CLK1: variants seen among roughly 807,000 people sequenced by gnomAD.
CLK1 encodes dual specificity protein kinase CLK1.
CLK1 carries 40 observed loss-of-function variants against 60.9 expected under a neutral mutation model. The ratio of observed to expected loss-of-function variants is 0.66; its 90% CI spans 0.51 to 0.86. The LOEUF is 0.86. Among genes scored for constraint, CLK1 ranks in the 40% least tolerant of loss-of-function variants. The pLI is 0.00. For synonymous variants in CLK1, 203 were observed against 184.4 expected, an observed-to-expected ratio of 1.10 and a Z score of -0.82; for missense variants, 563 against 606.1, an observed-to-expected ratio of 0.93 and a Z score of 0.75.
chr2:200,863,456 G>A (rs1559329515), intron 1 of CLK1, among the ~76,000 whole-genome samples: 1 of 152,122 alleles, frequency 6.6e-6, no homozygotes, highest in Non-Finnish European at 1.5e-5. Flanking sequence ...TACTCAGGAG[G>A]CTGAGGTGGG....
At chr2:200,863,760 A>G (rs1173764787) in intron 1 of CLK1, among the ~76,000 whole-genome samples, 1 of 152,102 alleles carries the variant, frequency 6.6e-6, no homozygotes, top group Non-Finnish European at 1.5e-5. Context: ...AGGCTGAAGC[A>G]GGAGAATCGC....
chr2:200,854,750 T>A (rs770429089), intron 10 of CLK1, 55 bp from the exon 11 acceptor site: 13 of 1,290,456 alleles, frequency 1.0e-5, no homozygotes, highest in Non-Finnish European at 1.5e-5. Flanking sequence ...ACAGACACAG[T>A]TAAAGCTGAC....
chr2:200,859,587 G>A (rs2039101384), intron 5 of CLK1, 93 bp downstream of exon 5: 2 of 914,558 alleles, frequency 2.2e-6, no homozygotes, highest in Middle Eastern at 2.2e-4. Flanking sequence ...ATAAAGATAT[G>A]TATCTAACTC....
chr2:200,855,208 G>T (rs760577178), intron 9 of CLK1, 122 bp from the exon 10 acceptor site: 36 of 675,138 alleles, frequency 5.3e-5, no homozygotes, highest in Non-Finnish European at 7.9e-5. Flanking sequence ...GGGCACAGTG[G>T]CTCACACCTG....
Position 200,864,095 on chromosome 2 carries a change from A to G in CLK1, c.-1+469T>C, listed in dbSNP as rs1016470182. 23 of 1,548,352 alleles carry G rather than the reference A, an allele frequency of 1.5e-5. No individual in the cohort carries two copies. The African/African-American group carries it at 2.6e-4, about 18-fold the overall frequency. ...CCCTACGGGTTCCGTCTCTTTCTCC[A>G]CTTACTCCAGACAACGTTTCCCCAC... is the stretch of plus-strand genomic sequence containing the variant. On this transcript the variant is annotated intron_variant, in intron 1 of 12. Coordinates refer to ENST00000321356, the MANE Select transcript of CLK1 (RefSeq NM_004071.4).
chr2:200,854,010 AT>A lies in CLK1; in HGVS notation c.1221-18del. 6.4e-7 allele frequency: 1 copy of A among 1,568,080 alleles called. No individual in the cohort carries two copies. The highest frequency in any genetic ancestry group is 1.4e-5 in the African/African-American group (1 of 73,826). On this transcript the variant is annotated intron_variant, in intron 11 of 12. Transcript: ENST00000321356. Reference sequence around the variant, plus strand: ...TTACGTTTCCTAAAAATAAGTCAATATCCATTCATGTTTATAACACTGAAAA... The same window carrying A: ...TTACGTTTCCTAAAAATAAGTCAATACCATTCATGTTTATAACACTGAAAA...
chr2:200,853,676 C>T (rs2038985781), intron 12 of CLK1, among the ~76,000 whole-genome samples: 1 of 59,584 alleles, frequency 1.7e-5, no homozygotes, highest in African/African-American at 7.1e-5. Context: ...CTTGTCTTTA[C>T]TTGAAAAAAA....
intron 1 of CLK1, among the ~76,000 whole-genome samples, chr2:200,862,812 A>G (rs939291384): frequency 6.6e-6 from 1 of 151,998 alleles, no homozygotes; most frequent in African/African-American, 2.4e-5. Flanking sequence ...TGCTGACAGA[A>G]TCATCATTAC....
At position 200,861,054 on chromosome 2, in the gene CLK1, G is replaced by A. The variant is rs142013043; in HGVS notation, c.390+184C>T. The stretch of plus-strand genomic sequence containing the variant: ...GGAGCCAACCAATAATTAAATTATA[G>A]AACTAAATGTGTACTTTATTTCCGG... On this transcript the variant is annotated intron_variant, in intron 3 of 12. Coordinates refer to ENST00000321356, the MANE Select transcript of CLK1 (RefSeq NM_004071.4). The A allele has an allele frequency of 7.2e-4, 1,011 of 1,397,622 alleles. 11 individuals carry two copies. The African/African-American group carries it at 0.012, about 17-fold the overall frequency. The allele number at this position is 1,397,622 out of a possible 1,614,324, so 86.6% of individuals were successfully genotyped here.
At position 200,857,767 on chromosome 2, in the gene CLK1, T is replaced by A. The variant is rs2039067593; in HGVS notation, c.783A>T (p.Arg261=). 6.2e-7 allele frequency: 1 copy of A among 1,612,614 alleles called. No individual in the cohort carries two copies. The highest frequency in any genetic ancestry group is 8.5e-7 in the Non-Finnish European group (1 of 1,179,260). The change falls in exon 7 of 13, where the codon CGA becomes CGT. Residue 261 remains arginine (R), a synonymous_variant. Transcript: ENST00000321356. ...ATGCCATCTTTCTGATATGATCCAGTCGAAATGGTAGAAAACCATTTTCTT... is the reference window on the plus strand; with the variant it reads ...ATGCCATCTTTCTGATATGATCCAGACGAAATGGTAGAAAACCATTTTCTT... The part of the protein sequence containing the change: ...FIKENGFLPF[R]LDHIRKMAYQ...
At chr2:200,856,544 A>G (rs1479331783) in intron 9 of CLK1, 138 bp downstream of exon 9, 18 of 632,778 alleles carry the variant, frequency 2.8e-5, no homozygotes, top group Non-Finnish European at 5.2e-6. Flanking sequence ...GAGAGCTTAA[A>G]ATCCATAATG....
chr2:200,853,528 A>G, intron 12 of CLK1, 79 bp from the exon 13 acceptor site: 1 of 1,293,438 alleles, frequency 7.7e-7, no homozygotes, highest in Non-Finnish European at 1.1e-6. Flanking sequence ...AGTAAACCAT[A>G]TATATATAAC....
chr2:200,864,282 C>G, intron 1 of CLK1: 1 of 1,488,716 alleles, frequency 6.7e-7, no homozygotes, highest in Non-Finnish European at 8.9e-7. Flanking sequence ...CGTCCCGCGT[C>G]AGGCGGCGCC....
At position 200,860,228 on chromosome 2, in the gene CLK1, A is replaced by G. The variant is rs79708527; in HGVS notation, c.391-13T>C. On this transcript the variant is annotated splice_polypyrimidine_tract_variant and intron_variant, in intron 3 of 12. Transcript: ENST00000321356. ...TTCGGTGACTCTTCTGGAAACGTCA[A>G]GTGGGCGGCACCAAGATCATCCAGC... 3 of 1,613,928 alleles carry G rather than the reference A, an allele frequency of 1.9e-6. No individual in the cohort carries two copies. The highest frequency in any genetic ancestry group is 1.7e-5 in the Admixed American group (1 of 60,002).
At chr2:200,863,515 C>A (rs986124285) in intron 1 of CLK1, among the ~76,000 whole-genome samples, 1 of 151,964 alleles carries the variant, frequency 6.6e-6, no homozygotes, top group Non-Finnish European at 1.5e-5. Flanking sequence ...CGTCATTGCG[C>A]CACTTGCACT....
At position 200,864,386 on chromosome 2, in the gene CLK1, C is replaced by T. The variant is rs1366705088; in HGVS notation, c.-1+178G>A. The T allele has an allele frequency of 4.2e-5, 43 of 1,023,034 alleles. 1 individual carries two copies. The highest frequency in any genetic ancestry group is 5.7e-5 in the Non-Finnish European group (43 of 748,224). 63.4% of individuals were successfully genotyped at this position (1,023,034 alleles called of 1,614,324 possible). A position where few individuals can be genotyped will look rare whatever the true frequency, so the allele number is the denominator to read the frequency against. Reference sequence around the variant, plus strand: ...AGGCCGGATCCGGCGGCGACAGGCTCGGCCGCGCAGGAAAGAGGGGCGCGC... The same window carrying T: ...AGGCCGGATCCGGCGGCGACAGGCTTGGCCGCGCAGGAAAGAGGGGCGCGC... On this transcript the variant is annotated intron_variant, in intron 1 of 12. Transcript: ENST00000321356.
intron 1 of CLK1, among the ~76,000 whole-genome samples, 165 bp from the exon 2 acceptor site, chr2:200,862,027 A>T (rs989087125): frequency 3.9e-5 from 6 of 151,946 alleles, no homozygotes; most frequent in Admixed American, 1.3e-4. Context: ...GTGTTGTCCC[A>T]TATTCTGCAG....
intron 5 of CLK1, among the ~76,000 whole-genome samples, chr2:200,858,858 C>T (rs1417213248): frequency 2.8e-5 from 3 of 107,940 alleles, no homozygotes; most frequent in South Asian, 2.7e-4. Flanking sequence ...AAAAGAGTAA[C>T]GGAAAAAATT....
intron 12 of CLK1, 69 bp downstream of exon 12, chr2:200,853,834 G>T: frequency 8.0e-7 from 1 of 1,247,496 alleles, no homozygotes; most frequent in Non-Finnish European, 1.1e-6. Flanking sequence ...AACGAAGCAA[G>T]GCTCGGTCTC....
Sources: gnomAD v4.1 joint callset for allele counts (sites outside exome capture counted in the v4.1 genomes callset) on GRCh38, gnomAD v4.1.1 for gene constraint, MANE v1.5 for transcripts, NCBI Gene and HGNC (gene_info 2026-07-23, HGNC 2026-07-21) for gene names.